The following DHX40 variants were observed in gnomAD, a reference collection of about 807,000 sequenced individuals.
DHX40 encodes probable ATP-dependent RNA helicase DHX40.
DHX40 carries 28 observed loss-of-function variants against 89.6 expected under a neutral mutation model. That is an observed-to-expected ratio of 0.31 (90% CI 0.23 to 0.43). The LOEUF (loss-of-function observed/expected upper bound fraction) is 0.43. Ranked by LOEUF, DHX40 falls within the 20% of genes least tolerant of loss-of-function variation. The pLI, the probability that DHX40 is intolerant of heterozygous loss-of-function variation, is 1.00. For missense variants in DHX40, 457 were observed against 844.0 expected, an observed-to-expected ratio of 0.54 and a Z score of 5.68; for synonymous variants, 226 against 283.6, an observed-to-expected ratio of 0.80 and a Z score of 2.04.
chr17:59,571,864 C>T (rs1220097375), intron 3 of DHX40, among the ~76,000 whole-genome samples: 1 of 152,124 alleles, frequency 6.6e-6, no homozygotes, highest in East Asian at 1.9e-4. Context: ...ACCACCGCGC[C>T]CTGCTGTATC....
intron 2 of DHX40, among the ~76,000 whole-genome samples, chr17:59,567,536 T>C (rs974610193): frequency 1.3e-5 from 2 of 152,234 alleles, no homozygotes; most frequent in Non-Finnish European, 2.9e-5. Context: ...TTTCTGTCTA[T>C]ACAATCAGCC....
At chr17:59,569,772 G>A (rs925391406) in intron 2 of DHX40, among the ~76,000 whole-genome samples, 5 of 141,848 alleles carry the variant, frequency 3.5e-5, no homozygotes, top group Non-Finnish European at 3.0e-5. Flanking sequence ...TTGGCTGGGC[G>A]TGGTGTCTCA....
In DHX40 at chr17:59,607,207, G is replaced by T; in HGVS notation, c.*35G>T. The T allele has an allele frequency of 6.2e-7, 1 of 1,614,156 alleles. No homozygotes were observed. Among genetic ancestry groups the T allele is most frequent in the East Asian group, 2.2e-5 (1 of 44,888 alleles). ...CCCTCCAATTCAGGAAGTGGGAAAAGGAGCCAGGAAATGTGCTTCTACTTT... is the reference window on the plus strand; with the variant it reads ...CCCTCCAATTCAGGAAGTGGGAAAATGAGCCAGGAAATGTGCTTCTACTTT... On this transcript the variant is annotated 3_prime_UTR_variant, in exon 18 of 18. Transcript: ENST00000251241.
In DHX40 at chr17:59,577,811, A is replaced by G. The variant is rs571990565; in HGVS notation, c.1073+446A>G. Among the ~76,000 whole-genome samples the G allele has an allele frequency of 3.4e-4, 51 of 152,130 alleles. 1 individual carries two copies. Among genetic ancestry groups the G allele is most frequent in the Admixed American group, 2.2e-3 (33 of 15,278 alleles). On this transcript the variant is annotated intron_variant, in intron 8 of 17. Coordinates refer to ENST00000251241, the MANE Select transcript of DHX40 (RefSeq NM_024612.5). The stretch of plus-strand genomic sequence containing the variant: ...CTTCTTTTCAAATTTAAGATTATGT[A>G]TAATGCTTTATGGGTTTCACTAAAT...
At chr17:59,587,009 C>A (rs117198798) in intron 11 of DHX40, among the ~76,000 whole-genome samples, 1 of 151,812 alleles carries the variant, frequency 6.6e-6, no homozygotes, top group African/African-American at 2.4e-5. Flanking sequence ...AAAAATTAGC[C>A]GATGGTGTTG....
Position 59,573,769 on chromosome 17 carries a change from A to G in DHX40, c.576A>G (p.Leu192=), listed in dbSNP as rs2048843383. ...TDILFGLLKK[L]FQEKSPNRKE... ...TCTTATTTGGTTTATTGAAGAAGCT[A>G]TTTCAGGAGAAGTCTCCTAATAGGA... The change falls in exon 5 of 18, where the codon CTA becomes CTG. Residue 192 remains leucine (L), a synonymous_variant. Transcript: ENST00000251241. The G allele has an allele frequency of 1.9e-6, 3 of 1,614,018 alleles. No individual in the cohort carries two copies. Among genetic ancestry groups the G allele is most frequent in the East Asian group, 4.5e-5 (2 of 44,836 alleles).
chr17:59,606,745 CAAAA>C (rs777660578), intron 17 of DHX40, among the ~76,000 whole-genome samples: 4 of 57,526 alleles, frequency 7.0e-5, no homozygotes, highest in Admixed American at 2.0e-4. Context: ...GACTCCGTCT[CAAAA>C]AAAAAAAAAA....
chr17:59,573,673 A>G (rs1342008675), intron 4 of DHX40, 67 bp from the exon 5 acceptor site: 6 of 1,481,208 alleles, frequency 4.1e-6, no homozygotes, highest in Non-Finnish European at 5.6e-6. Context: ...TTAGAATAGC[A>G]GTGTATCTAA....
In DHX40 at chr17:59,607,649, G is replaced by A; in HGVS notation, c.*477G>A. The A allele has an allele frequency of 5.1e-6, 1 of 194,338 alleles. No homozygotes were observed. Among genetic ancestry groups the A allele is most frequent in the Non-Finnish European group, 1.1e-5 (1 of 94,458 alleles). The allele number at this position is 194,338 out of a possible 1,614,324, so 12.0% of individuals were successfully genotyped here. ...TATTTCAGAAGGCTGAACATAAGAGGTTTCTACTCAGCAATACTTAGATGT... is the reference window on the plus strand; with the variant it reads ...TATTTCAGAAGGCTGAACATAAGAGATTTCTACTCAGCAATACTTAGATGT... On this transcript the variant is annotated 3_prime_UTR_variant, in exon 18 of 18. Transcript: ENST00000251241.
chr17:59,607,145 C>G lies in DHX40; in HGVS notation c.2313C>G (p.His771Gln). ...GAAAGCAGCAGAGGACCCAGGACCA[C>G]AGTGACACACGAAAGGAAACAGGCT... ...LERKQQRTQD[H>Q]SDTRKETG Residue 771 changes from histidine to glutamine, a missense_variant, in exon 18 of 18, where the codon CAC becomes CAG. His to Gln is a conservative substitution (Grantham distance 24, BLOSUM62 0). This residue lies in a region of DHX40 where 120 missense variants were observed against 161.7 expected (regional missense o/e 0.74). Transcript: ENST00000251241. 1 of 1,614,206 alleles carries G rather than the reference C, an allele frequency of 6.2e-7. No individual in the cohort carries two copies. Among genetic ancestry groups the G allele is most frequent in the Non-Finnish European group, 8.5e-7 (1 of 1,180,042 alleles).
rs528965888 is a variant in DHX40, at chr17:59,570,221, A to C, written c.281-297A>C. 9.0e-4 allele frequency among the ~76,000 whole-genome samples: 104 copies of C among 114,952 alleles called. 3 individuals are homozygous for C. In the East Asian group the frequency reaches 0.017, roughly 18 times the overall value. 75.4% of individuals were successfully genotyped at this position (114,952 alleles called of 152,430 possible). A position where few individuals can be genotyped will look rare whatever the true frequency, so the allele number is the denominator to read the frequency against. ...ATATTATAATATATATTATATATTA[A>C]ATATATATTAGTATATAATATATAT... On this transcript the variant is annotated intron_variant, in intron 2 of 17. Transcript: ENST00000251241.
Position 59,569,048 on chromosome 17 carries a change from G to T in DHX40, c.281-1470G>T, listed in dbSNP as rs536958365. ...GTGGCATATTTAAGTCCAGTTTTAG[G>T]CTGGGTGCAGTGGCTCATGCCTGTG... is the stretch of plus-strand genomic sequence containing the variant. On this transcript the variant is annotated intron_variant, in intron 2 of 17. Coordinates refer to ENST00000251241, the MANE Select transcript of DHX40 (RefSeq NM_024612.5). 2.6e-5 allele frequency among the ~76,000 whole-genome samples: 4 copies of T among 152,180 alleles called. No individual in the cohort carries two copies. The East Asian group carries it at 5.8e-4, about 22-fold the overall frequency.
chr17:59,568,837 C>CATAT (rs34821349), intron 2 of DHX40, among the ~76,000 whole-genome samples: 33 of 147,088 alleles, frequency 2.2e-4, no homozygotes, highest in South Asian at 6.4e-4. Flanking sequence ...ATGGAAGGTG[C>CATAT]ATATATATAT....
intron 7 of DHX40, chr17:59,577,026 C>T (rs1339963964): frequency 2.1e-5 from 10 of 477,536 alleles, no homozygotes; most frequent in Admixed American, 2.8e-5. Context: ...CGCGCCCCCA[C>T]GCCCTGCTAA....
chr17:59,570,750 C>T (rs2048795490), intron 3 of DHX40, 87 bp downstream of exon 3: 1 of 1,382,994 alleles, frequency 7.2e-7, no homozygotes, highest in Non-Finnish European at 9.7e-7. Context: ...GTGGCGCAAT[C>T]ATGGCTCTCT....
intron 3 of DHX40, among the ~76,000 whole-genome samples, chr17:59,572,732 C>T (rs571487372): frequency 1.3e-5 from 2 of 152,276 alleles, no homozygotes; most frequent in African/African-American, 2.4e-5. Context: ...AAAGTATGCA[C>T]CTACCATTTT....
At chr17:59,587,738 A>G (rs1329849667) in intron 11 of DHX40, among the ~76,000 whole-genome samples, 158 bp from the exon 12 acceptor site, 1 of 152,002 alleles carries the variant, frequency 6.6e-6, no homozygotes, top group Non-Finnish European at 1.5e-5. Context: ...GATTACAGGC[A>G]TGAGCCACCA....
chr17:59,570,139 A>ATTATAAATTATATAATATATATAATATG (rs1567858134), intron 2 of DHX40, among the ~76,000 whole-genome samples: 5 of 127,652 alleles, frequency 3.9e-5, no homozygotes, highest in African/African-American at 1.6e-4. Flanking sequence ...TATATAATAT[A>ATTATAAATTATATAATATATATAATATG]TTATAAATTA....
chr17:59,600,759 A>C (rs993600774), intron 14 of DHX40, among the ~76,000 whole-genome samples: 10 of 151,392 alleles, frequency 6.6e-5, no homozygotes, highest in African/African-American at 2.4e-4. Flanking sequence ...AGGCAGAAGG[A>C]TTACTTGAGT....
Sources: gnomAD v4.1 joint callset for allele counts (sites outside exome capture counted in the v4.1 genomes callset) on GRCh38, gnomAD v4.1.1 for gene constraint, gnomAD v4.1.1 regional missense constraint, MANE v1.5 for transcripts, NCBI Gene and HGNC (gene_info 2026-07-23, HGNC 2026-07-21) for gene names.